The following PLRG1 variants were observed in gnomAD, a reference collection of about 807,000 sequenced individuals.
PLRG1 encodes the protein pleiotropic regulator 1 (PRL1 homolog, Arabidopsis).
A neutral mutation model predicts 74.9 loss-of-function variants in PLRG1; 28 were observed. The ratio of observed to expected loss-of-function variants is 0.37; its 90% confidence interval spans 0.28 to 0.51. The LOEUF (loss-of-function observed/expected upper bound fraction) is 0.51. Ranked by LOEUF, PLRG1 falls within the 20% of genes least tolerant of loss-of-function variation. The probability of loss-of-function intolerance (pLI) is 0.91; values close to 1 mark genes in which losing one functional copy is unlikely to be tolerated. For synonymous variants in PLRG1, 197 were observed against 212.4 expected (o/e 0.93, Z 0.63); for missense variants, 445 against 631.9 (o/e 0.70, Z 3.17).
chr4:154,540,235 T>C lies in PLRG1; in HGVS notation c.940-182A>G, dbSNP rs1729531079. 4 of 584,500 alleles carry C rather than the reference T, an allele frequency of 6.8e-6. No homozygotes were observed. The African/African-American group carries it at 7.5e-5, about 11-fold the overall frequency. 36.2% of individuals were successfully genotyped at this position (584,500 alleles called of 1,614,324 possible). Reference sequence around the variant, plus strand: ...AGGACGAATATAAATAGGAGACAACTTGCAAGAATTCTAAAAAGCTAAAAG... The same window carrying C: ...AGGACGAATATAAATAGGAGACAACCTGCAAGAATTCTAAAAAGCTAAAAG... On this transcript the variant is annotated intron_variant, in intron 10 of 14. Coordinates refer to ENST00000499023, the MANE Select transcript of PLRG1 (RefSeq NM_002669.4).
chr4:154,538,578 G>T (rs1260666969), intron 12 of PLRG1, among the ~76,000 whole-genome samples: 2 of 151,882 alleles, frequency 1.3e-5, no homozygotes, highest in African/African-American at 2.4e-5. Context: ...AAAGGGTATG[G>T]AGAGTAGAAG....
rs776280491 is a variant in PLRG1, at chr4:154,537,385, T to C, written c.1386A>G (p.Glu462=). 122 of 1,613,240 alleles carry C rather than the reference T, an allele frequency of 7.6e-5. No homozygotes were observed. Among genetic ancestry groups the C allele is most frequent in the Non-Finnish European group, 1.0e-4 (119 of 1,179,474 alleles). The change falls in exon 14 of 15, where the codon GAA becomes GAG. Residue 462 remains glutamate, a synonymous_variant. Transcript: ENST00000499023. ...CAAAAGCACAAGCAAATATTCCTGA[T>C]TCACTGTCCAAAGACCCAGGTTGCA... The part of the protein sequence containing the change: ...AAVQPGSLDS[E]SGIFACAFDQ...
At chr4:154,544,942 G>A (rs879597058) in intron 6 of PLRG1, among the ~76,000 whole-genome samples, 2 of 152,206 alleles carry the variant, frequency 1.3e-5, no homozygotes, top group Admixed American at 6.5e-5. Context: ...AAGTGTATTA[G>A]TGCCACTGTC....
In PLRG1 at chr4:154,535,595, T is replaced by C. The variant is rs2111096542; in HGVS notation, c.*1090A>G. 6.6e-6 allele frequency: 1 copy of C among 151,786 alleles called. No individual in the cohort carries two copies. Among genetic ancestry groups the C allele is most frequent in the East Asian group, 1.9e-4 (1 of 5,176 alleles). The allele number at this position is 151,786 out of a possible 1,614,324, so 9.4% of individuals were successfully genotyped here. A position where few individuals can be genotyped will look rare whatever the true frequency, so the allele number is the denominator to read the frequency against. On this transcript the variant is annotated 3_prime_UTR_variant, in exon 15 of 15. Coordinates refer to ENST00000499023, the MANE Select transcript of PLRG1 (RefSeq NM_002669.4). ...AAATTTAAAAAATTGACTGTTCTTA[T>C]AACTGTGTTTTCTAATTATAGAAGG... is the stretch of plus-strand genomic sequence containing the variant.
At chr4:154,538,542 G>A (rs1253048672) in intron 12 of PLRG1, among the ~76,000 whole-genome samples, 1 of 151,646 alleles carries the variant, frequency 6.6e-6, no homozygotes. Flanking sequence ...AGAAAGATAA[G>A]CAAAGGAAGG....
chr4:154,539,163 T>G lies in PLRG1; in HGVS notation c.1093A>C (p.Arg365=). Residue 365 remains arginine, a synonymous_variant, in exon 12 of 15, where the codon AGA becomes CGA. Transcript: ENST00000499023. ...TTTTTGTGATTTGTTAATGTCACTC[T>G]TGTTTTTCCAGCCACCAGATCCCAT... The part of the protein sequence containing the change: ...RLWDLVAGKT[R]VTLTNHKKSV... The G allele has an allele frequency of 2.5e-6, 4 of 1,612,750 alleles. No homozygotes were observed. The highest frequency in any genetic ancestry group is 3.4e-6 in the Non-Finnish European group (4 of 1,178,824).
In PLRG1 at chr4:154,539,181, G is replaced by A; in HGVS notation, c.1075C>T (p.Leu359=). 6.2e-7 allele frequency: 1 copy of A among 1,611,278 alleles called. No individual in the cohort carries two copies. The highest frequency in any genetic ancestry group is 8.5e-7 in the Non-Finnish European group (1 of 1,177,542). The change falls in exon 12 of 15, where the codon CTG becomes TTG. Residue 359 remains leucine, a synonymous_variant. Coordinates refer to ENST00000499023, the MANE Select transcript of PLRG1 (RefSeq NM_002669.4). ...GTCACTCTTGTTTTTCCAGCCACCA[G>A]ATCCCATAATCGAATTGTAGTATCA... ...SHDTTIRLWD[L]VAGKTRVTLT...
intron 2 of PLRG1, among the ~76,000 whole-genome samples, chr4:154,548,515 T>C (rs374664822): frequency 3.9e-5 from 6 of 152,126 alleles, no homozygotes; most frequent in Non-Finnish European, 7.4e-5. Context: ...CCAGGTACAA[T>C]TTCAGCTCAG....
intron 1 of PLRG1, chr4:154,549,206 T>C: frequency 2.3e-6 from 1 of 428,108 alleles, no homozygotes; most frequent in Non-Finnish European, 4.4e-6. Context: ...CTGGCAGGTA[T>C]TGTGCTAGAA....
At chr4:154,539,452 A>G (rs1376861059) in intron 11 of PLRG1, among the ~76,000 whole-genome samples, 1 of 152,152 alleles carries the variant, frequency 6.6e-6, no homozygotes, top group Non-Finnish European at 1.5e-5. Context: ...ACAAATGCAA[A>G]TAACAAATAA....
intron 4 of PLRG1, chr4:154,546,610 G>C (rs569733706): frequency 3.4e-6 from 1 of 294,002 alleles, no homozygotes; most frequent in South Asian, 4.5e-5. Flanking sequence ...TAAGCCTTTT[G>C]TCCTCTACCC....
chr4:154,546,164 T>C lies in PLRG1; in HGVS notation c.363A>G (p.Ser121=). ...ATGCCACCGCTAAGGACTGTGCAGCTGATTCACTTGGCATTCTCTGGATCT... is the reference window on the plus strand; with the variant it reads ...ATGCCACCGCTAAGGACTGTGCAGCCGATTCACTTGGCATTCTCTGGATCT... ...DTKIQRMPSE[S]AAQSLAVALP... Residue 121 remains serine, a synonymous_variant, in exon 5 of 15, where the codon TCA becomes TCG. Transcript: ENST00000499023. 1 of 1,609,574 alleles carries C rather than the reference T, an allele frequency of 6.2e-7. No homozygotes were observed. Among genetic ancestry groups the C allele is most frequent in the Non-Finnish European group, 8.5e-7 (1 of 1,175,874 alleles).
In PLRG1 at chr4:154,547,701, C is replaced by G; in HGVS notation, c.259+10G>C. ...TATAAGTCTGACATTTCTGATAATA[C>G]CATACTCACCTTGATTGGCAGGGTA... On this transcript the variant is annotated intron_variant, in intron 3 of 14. Coordinates refer to ENST00000499023, the MANE Select transcript of PLRG1 (RefSeq NM_002669.4). The G allele has an allele frequency of 1.9e-6, 3 of 1,606,048 alleles. No individual in the cohort carries two copies. Among genetic ancestry groups the G allele is most frequent in the Middle Eastern group, 1.7e-4 (1 of 6,044 alleles).
chr4:154,547,124 T>G lies in PLRG1; in HGVS notation c.260-60A>C, dbSNP rs1578771739. The G allele has an allele frequency of 6.1e-6, 7 of 1,153,532 alleles. No homozygotes were observed. In the East Asian group the frequency reaches 1.6e-4, roughly 27 times the overall value. 71.5% of individuals were successfully genotyped at this position (1,153,532 alleles called of 1,614,324 possible). On this transcript the variant is annotated intron_variant, in intron 3 of 14. Transcript: ENST00000499023. ...TTTACCTTATACAAAAGTTATCATC[T>G]CTTTAAATGTATCAAGTAATATTAA...
At chr4:154,542,949 T>C (rs1729580697) in intron 7 of PLRG1, among the ~76,000 whole-genome samples, 3 of 152,100 alleles carry the variant, frequency 2.0e-5, no homozygotes, top group African/African-American at 7.2e-5. Flanking sequence ...TAAGATTTAG[T>C]GTTTGGTAGC....
intron 8 of PLRG1, among the ~76,000 whole-genome samples, chr4:154,541,164 G>C (rs532070409): frequency 1.1e-4 from 17 of 152,254 alleles, no homozygotes; most frequent in African/African-American, 4.1e-4. Context: ...TAACCTTCTT[G>C]TTATATAAAT....
At chr4:154,545,976 T>G in intron 5 of PLRG1, 53 bp from the exon 6 acceptor site, 1 of 1,263,514 alleles carries the variant, frequency 7.9e-7, no homozygotes, top group South Asian at 1.3e-5. Flanking sequence ...CAGTCATGTA[T>G]TCTGCAAAAC....
intron 7 of PLRG1, 26 bp downstream of exon 7, chr4:154,544,419 A>G: frequency 1.6e-6 from 2 of 1,229,464 alleles, no homozygotes; most frequent in Non-Finnish European, 2.4e-6. Context: ...TGGTTCACAT[A>G]ATAAAATAAA....
At chr4:154,538,167 G>C in intron 12 of PLRG1, 59 bp from the exon 13 acceptor site, 1 of 858,598 alleles carries the variant, frequency 1.2e-6, no homozygotes. Flanking sequence ...AAAGTGGTGG[G>C]TTTTAAAAAG....
Sources: allele counts gnomAD v4.1 joint callset (sites outside exome capture counted in the v4.1 genomes callset), GRCh38; gene constraint gnomAD v4.1.1; transcripts MANE v1.5; gene names NCBI Gene and HGNC (gene_info 2026-07-23, HGNC 2026-07-21).